The following CCNL2 variants were observed in gnomAD, a reference collection of about 807,000 sequenced individuals.
The protein encoded by CCNL2 is cyclin-L2.
A neutral mutation model predicts 59.1 loss-of-function variants in CCNL2; 28 were observed. That is an observed-to-expected ratio of 0.47 (90% CI 0.35 to 0.65). The LOEUF (loss-of-function observed/expected upper bound fraction) is 0.65, where lower values mean the gene tolerates loss of function less well. Ranked by LOEUF, CCNL2 falls within the 30% of genes least tolerant of loss-of-function variation. The pLI is 0.00. For missense variants in CCNL2, 714 were observed against 717.4 expected (o/e 1.00, Z 0.05); for synonymous variants, 342 against 288.6 (o/e 1.19, Z -1.88).
intron 2 of CCNL2, 62 bp downstream of exon 2, chr1:1,398,535 G>A (rs1645179015): frequency 2.5e-6 from 4 of 1,589,426 alleles, no homozygotes; most frequent in African/African-American, 1.3e-5. Context: ...ACCGGGCAAA[G>A]TAACAAACCG....
At position 1,387,554 on chromosome 1, in the gene CCNL2, C is replaced by T; in HGVS notation, c.1240G>A (p.Gly414Arg). 3.3e-6 allele frequency: 5 copies of T among 1,516,772 alleles called. No homozygotes were observed. The highest frequency in any genetic ancestry group is 4.4e-6 in the Non-Finnish European group (5 of 1,134,690). 94.0% of individuals were successfully genotyped at this position (1,516,772 alleles called of 1,614,324 possible). ...CGGGAGCGGCTCTGCGACTTGGACCCACCAGATGTGGAGCCGCTGTCACTT... is the reference window on the plus strand; with the variant it reads ...CGGGAGCGGCTCTGCGACTTGGACCTACCAGATGTGGAGCCGCTGTCACTT... ...RKSDSGSTSG[G>R]SKSQSRSRSR... The change falls in exon 11 of 11, where the codon GGG (glycine) becomes AGG (arginine). Residue 414 changes from glycine (G) to arginine (R), a missense_variant. Gly to Arg is a moderately radical substitution (Grantham distance 125). This residue lies in a region of CCNL2 where 403 missense variants were observed against 377.7 expected (regional missense o/e 1.07). Transcript: ENST00000400809.
rs746690488 is a variant in CCNL2, at chr1:1,387,855, C to T, written c.1133G>A (p.Arg378Gln). The change falls in exon 10 of 11, where the codon CGA (arginine) becomes CAA (glutamine). Residue 378 changes from arginine (R) to glutamine (Q), a missense_variant. Transcript: ENST00000400809. ...GCTCCGGCTCCGACTCCGACTCTCT[C>T]GCCCCTTTGGCAAGCTGTGAACAGG... ...DSPVNGLPKG[R>Q]ESRSRSRSRE... 8 of 1,613,826 alleles carry T rather than the reference C, an allele frequency of 5.0e-6. No homozygotes were observed. The highest frequency in any genetic ancestry group is 1.6e-4 in the Middle Eastern group (1 of 6,062).
intron 5 of CCNL2, chr1:1,391,730 G>A (rs535667875): frequency 2.4e-6 from 1 of 412,246 alleles, no homozygotes; most frequent in East Asian, 9.6e-5. Flanking sequence ...TTTTTTAAAA[G>A]TTAAAGCATT....
chr1:1,390,642 C>T (rs1307966121), intron 6 of CCNL2, 79 bp from the exon 7 acceptor site: 5 of 1,471,898 alleles, frequency 3.4e-6, no homozygotes, highest in East Asian at 2.3e-5. Flanking sequence ...AAAAAACAGC[C>T]TGTTGGTCAC....
chr1:1,390,730 C>G, intron 6 of CCNL2, 36 bp downstream of exon 6: 1 of 1,585,140 alleles, frequency 6.3e-7, no homozygotes, highest in Non-Finnish European at 8.7e-7. Context: ...AAAAAAAAAT[C>G]AGACTAGAAT....
intron 3 of CCNL2, among the ~76,000 whole-genome samples, chr1:1,396,763 T>C: frequency 6.7e-6 from 1 of 150,048 alleles, no homozygotes. Context: ...TTTTATTTTT[T>C]TTTGAGACGG....
intron 5 of CCNL2, 49 bp downstream of exon 5, chr1:1,393,347 T>C (rs935862008): frequency 1.3e-6 from 2 of 1,538,942 alleles, no homozygotes; most frequent in Admixed American, 3.3e-5. Context: ...AGTCAACACA[T>C]TCCTGCACTG....
At position 1,387,774 on chromosome 1, in the gene CCNL2, C is replaced by A. The variant is rs374147211; in HGVS notation, c.1211+3G>T. On this transcript the variant is annotated splice_donor_region_variant and intron_variant, in intron 10 of 10. Coordinates refer to ENST00000400809, the MANE Select transcript of CCNL2 (RefSeq NM_030937.6). ...CCTCCTGGGTGCGCCCTGAGGCACACACCTCCTCTTAGGAGACGCTGATCG... is the reference window on the plus strand; with the variant it reads ...CCTCCTGGGTGCGCCCTGAGGCACAAACCTCCTCTTAGGAGACGCTGATCG... 1 of 1,610,188 alleles carries A rather than the reference C, an allele frequency of 6.2e-7. No homozygotes were observed. Among genetic ancestry groups the A allele is most frequent in the African/African-American group, 1.3e-5 (1 of 74,990 alleles).
intron 1 of CCNL2, 171 bp from the exon 2 acceptor site, chr1:1,398,842 C>A (rs1367179145): frequency 3.2e-6 from 4 of 1,243,322 alleles, no homozygotes; most frequent in Non-Finnish European, 4.3e-6. Flanking sequence ...CACTGGCGGG[C>A]GGGGAGGCCC....
Position 1,386,677 on chromosome 1 carries a change from A to ATT in CCNL2, c.*552_*553dup, listed in dbSNP as rs1644468797. On this transcript the variant is annotated 3_prime_UTR_variant, in exon 11 of 11. Transcript: ENST00000400809. ...CCTACACAAGTTTTAAGCTGACGGG[A>ATT]TTCAAGTTCTGAGTTTTCATACATA... The ATT allele has an allele frequency of 6.5e-6, 1 of 152,768 alleles. No individual in the cohort carries two copies. The highest frequency in any genetic ancestry group is 1.5e-5 in the Non-Finnish European group (1 of 68,136). The allele number at this position is 152,768 out of a possible 1,614,324, so 9.5% of individuals were successfully genotyped here. A position where few individuals can be genotyped will look rare whatever the true frequency, so the allele number is the denominator to read the frequency against.
Position 1,399,083 on chromosome 1 carries a change from G to A in CCNL2, c.224C>T (p.Thr75Ile). 6.2e-7 allele frequency: 1 copy of A among 1,611,640 alleles called. No individual in the cohort carries two copies. Among genetic ancestry groups the A allele is most frequent in the Non-Finnish European group, 8.5e-7 (1 of 1,179,386 alleles). The stretch of plus-strand genomic sequence containing the variant: ...CTCGCAGCCCACCACGCGGAGGTCG[G>A]TCTCTGTGTCGGTGTCGAGGCCGCT... ...MSSGLDTDTE[T>I]DLRVVGCELI... Residue 75 changes from threonine to isoleucine, a missense_variant, in exon 1 of 11, where the codon ACC (threonine) becomes ATC (isoleucine). Coordinates refer to ENST00000400809, the MANE Select transcript of CCNL2 (RefSeq NM_030937.6).
Position 1,398,269 on chromosome 1 carries a change from T to C in CCNL2, c.437A>G (p.Asn146Ser), listed in dbSNP as rs1645160796. 2 of 1,614,224 alleles carry C rather than the reference T, an allele frequency of 1.2e-6. No individual in the cohort carries two copies. Among genetic ancestry groups the C allele is most frequent in the Non-Finnish European group, 1.7e-6 (2 of 1,180,038 alleles). Residue 146 changes from asparagine (N) to serine (S), a missense_variant, in exon 3 of 11, where the codon AAT becomes AGT. By Grantham distance (46) the Asn-to-Ser change is conservative. This residue lies in a region of CCNL2 where 270 missense variants were observed against 254.9 expected (regional missense o/e 1.06). Transcript: ENST00000400809. ...EAPRRIRDVI[N>S]VFHRLRQLRD... is the part of the protein sequence containing the mutation. ...CAGCTGTCGAAGGCGGTGAAACACA[T>C]TGATGACGTCCCGTATGCGTCTTGG...
At position 1,395,446 on chromosome 1, in the gene CCNL2, C is replaced by T. The variant is rs1181650651; in HGVS notation, c.542G>A (p.Arg181Lys). The stretch of plus-strand genomic sequence containing the variant: ...GAAACCCAACTCTTTGAGAACTCGT[C>T]TTTCCGCCTTTATAATTTGGTTCTT... ...NLKNQIIKAE[R>K]RVLKELGFCV... is the part of the protein sequence containing the mutation. The change falls in exon 4 of 11, where the codon AGA becomes AAA. Residue 181 changes from arginine to lysine, a missense_variant. By Grantham distance (26) the Arg-to-Lys change is conservative. Coordinates refer to ENST00000400809, the MANE Select transcript of CCNL2 (RefSeq NM_030937.6). 5 of 1,614,178 alleles carry T rather than the reference C, an allele frequency of 3.1e-6. No homozygotes were observed. The highest frequency in any genetic ancestry group is 4.2e-6 in the Non-Finnish European group (5 of 1,180,030).
Position 1,398,351 on chromosome 1 carries a change from G to A in CCNL2, c.364-9C>T, listed in dbSNP as rs1645164892. On this transcript the variant is annotated splice_polypyrimidine_tract_variant and intron_variant, in intron 2 of 10. Coordinates refer to ENST00000400809, the MANE Select transcript of CCNL2 (RefSeq NM_030937.6). ...CAGGCCATTGACACATGCTGAAGCG[G>A]AAGCATTGCAACACGCCCATGTTTG... 6.2e-7 allele frequency: 1 copy of A among 1,613,944 alleles called. No homozygotes were observed. Among genetic ancestry groups the A allele is most frequent in the South Asian group, 1.1e-5 (1 of 91,064 alleles).
intron 5 of CCNL2, chr1:1,392,844 T>C: frequency 6.2e-7 from 1 of 1,600,488 alleles, no homozygotes; most frequent in Non-Finnish European, 8.5e-7. Flanking sequence ...TCAAAATAGG[T>C]TCTCTATTAA....
chr1:1,395,853 A>G (rs566452199), intron 3 of CCNL2, among the ~76,000 whole-genome samples: 8 of 152,350 alleles, frequency 5.3e-5, no homozygotes, highest in South Asian at 2.1e-4. Context: ...TCACAGTTCA[A>G]TAACCACAGA....
At position 1,398,624 on chromosome 1, in the gene CCNL2, G is replaced by A. The variant is rs998695573; in HGVS notation, c.336C>T (p.Thr112=). Residue 112 remains threonine (T), a synonymous_variant, in exon 2 of 11, where the codon ACC becomes ACT. Coordinates refer to ENST00000400809, the MANE Select transcript of CCNL2 (RefSeq NM_030937.6). Reference sequence around the variant, plus strand: ...CCATGGAGTGCTTCACGAAGGACTTGGTATAAAAGAACCGCTGGAACAACA... The same window carrying A: ...CCATGGAGTGCTTCACGAAGGACTTAGTATAAAAGAACCGCTGGAACAACA... ...GQVLFQRFFY[T]KSFVKHSMEH... The A allele has an allele frequency of 2.5e-6, 4 of 1,613,848 alleles. No individual in the cohort carries two copies. Among genetic ancestry groups the A allele is most frequent in the African/African-American group, 1.3e-5 (1 of 74,942 alleles).
intron 5 of CCNL2, chr1:1,392,960 A>C: frequency 2.7e-6 from 2 of 745,464 alleles, no homozygotes; most frequent in Non-Finnish European, 4.5e-6. Context: ...CAAATACTAC[A>C]TTGCACTTTA....
At chr1:1,397,418 C>T (rs1645099305) in intron 3 of CCNL2, among the ~76,000 whole-genome samples, 1 of 152,152 alleles carries the variant, frequency 6.6e-6, no homozygotes. Flanking sequence ...TTTCAGTCTC[C>T]CAAGTGCTGA....
Sources: allele counts gnomAD v4.1 joint callset (sites outside exome capture counted in the v4.1 genomes callset), GRCh38; gene constraint gnomAD v4.1.1; regional missense constraint gnomAD v4.1.1; transcripts MANE v1.5; gene names NCBI Gene and HGNC (gene_info 2026-07-23, HGNC 2026-07-21).